DISC1: variants seen among roughly 807,000 people sequenced by gnomAD.
The protein encoded by DISC1 is disrupted in schizophrenia 1 protein.
In DISC1, 57 loss-of-function variants were observed where a neutral mutation model predicts 84.5. The observed-to-expected ratio is 0.67, with a 90% CI of 0.55 to 0.84. The LOEUF (loss-of-function observed/expected upper bound fraction) is 0.84. Ranked by LOEUF, DISC1 falls within the 40% of genes least tolerant of loss-of-function variation. The probability of loss-of-function intolerance (pLI) is 0.00; values close to 1 mark genes in which losing one functional copy is unlikely to be tolerated. For missense variants in DISC1, 1,000 were observed against 1,057.8 expected (o/e 0.95, Z 0.76); for synonymous variants, 411 against 415.2 (o/e 0.99, Z 0.12).
intron 9 of DISC1, among the ~76,000 whole-genome samples, chr1:231,923,683 A>G (rs1255883341): frequency 6.6e-6 from 1 of 152,212 alleles, no homozygotes; most frequent in Non-Finnish European, 1.5e-5. Context: ...CTTATTCCCA[A>G]GAACACGTCT....
At chr1:231,818,773 C>A (rs1200836179) in intron 9 of DISC1, 3 of 1,327,494 alleles carry the variant, frequency 2.3e-6, no homozygotes, top group Non-Finnish European at 2.9e-6. Flanking sequence ...TTGCTAATAG[C>A]CTTGTTATTA....
intron 11 of DISC1, among the ~76,000 whole-genome samples, chr1:232,025,762 A>C (rs1351033815): frequency 6.6e-6 from 1 of 151,984 alleles, no homozygotes; most frequent in African/African-American, 2.4e-5. Flanking sequence ...ACGCCCGGCT[A>C]ATTTTTTGTA....
At chr1:231,852,695 G>A (rs1015782846) in intron 9 of DISC1, among the ~76,000 whole-genome samples, 4 of 152,172 alleles carry the variant, frequency 2.6e-5, no homozygotes, top group African/African-American at 9.7e-5. Context: ...GCCTAAACTG[G>A]CATTGTTATC....
At chr1:231,946,037 G>A (rs947960793) in intron 9 of DISC1, among the ~76,000 whole-genome samples, 3 of 152,210 alleles carry the variant, frequency 2.0e-5, no homozygotes, top group Non-Finnish European at 4.4e-5. Context: ...GAGGTACAAA[G>A]AGGAGCTGGT....
rs577007207 is a variant in DISC1 at position 231,973,999 on chromosome 1, C to A, written c.2042+15111C>A. On this transcript the variant is annotated intron_variant, in intron 10 of 12. Transcript: ENST00000439617. ...GGCTGTTTTTGTGGTTCTGAGTTGACGGGGATTTTTTTTTTTCTTAAAGAG... is the reference window on the plus strand; with the variant it reads ...GGCTGTTTTTGTGGTTCTGAGTTGAAGGGGATTTTTTTTTTTCTTAAAGAG... 5.3e-5 allele frequency among the ~76,000 whole-genome samples: 8 copies of A among 151,896 alleles called. No individual in the cohort carries two copies. In the East Asian group the frequency reaches 1.5e-3, roughly 29 times the overall value.
intron 2 of DISC1, among the ~76,000 whole-genome samples, chr1:231,700,754 T>A (rs1164208577): frequency 1.3e-5 from 2 of 152,180 alleles, no homozygotes; most frequent in African/African-American, 4.8e-5. Flanking sequence ...AGGCACTCAG[T>A]AAATATTTGT....
At chr1:231,868,715 T>G in intron 9 of DISC1, among the ~76,000 whole-genome samples, 1 of 113,526 alleles carries the variant, frequency 8.8e-6, no homozygotes, top group Non-Finnish European at 1.7e-5. Flanking sequence ...TATATATATA[T>G]ATATATATAT....
At position 231,694,513 on chromosome 1, in the gene DISC1, T is replaced by A; in HGVS notation, c.755T>A (p.Leu252Ter). The A allele has an allele frequency of 6.2e-7, 1 of 1,614,252 alleles. No homozygotes were observed. The highest frequency in any genetic ancestry group is 1.7e-5 in the Admixed American group (1 of 60,032). ...GAGATGGGAGCCAAAGCTGCCAGCT[T>A]GGACGGGCCTCACGAGGACCCGCGA... ...PQEMGAKAAS[L>*]DGPHEDPRCL... The change falls in exon 2 of 13, where the codon TTG (leucine) becomes TAG (stop). Residue 252 changes from leucine to a stop codon, truncating the protein, a stop_gained. Coordinates refer to ENST00000439617, the MANE Select transcript of DISC1 (RefSeq NM_018662.3). LOFTEE classifies it high-confidence loss of function.
chr1:231,999,653 G>T (rs1666399929), intron 10 of DISC1, among the ~76,000 whole-genome samples: 1 of 152,174 alleles, frequency 6.6e-6, no homozygotes, highest in African/African-American at 2.4e-5. Flanking sequence ...TACCCAGCCA[G>T]GGAAGTCTTC....
chr1:231,776,895 G>A (rs1319200834), intron 6 of DISC1, among the ~76,000 whole-genome samples: 1 of 152,166 alleles, frequency 6.6e-6, no homozygotes, highest in Non-Finnish European at 1.5e-5. Context: ...CGTGGAAGCA[G>A]CTGTGTGGGA....
chr1:231,972,077 C>T (rs12126582), intron 10 of DISC1, among the ~76,000 whole-genome samples: 2 of 151,970 alleles, frequency 1.3e-5, no homozygotes, highest in Non-Finnish European at 2.9e-5. Context: ...GCGGTAATTA[C>T]GCTGCCCGGT....
At chr1:231,969,603 T>C (rs1015648770) in intron 10 of DISC1, among the ~76,000 whole-genome samples, 45 of 151,752 alleles carry the variant, frequency 3.0e-4, no homozygotes, top group South Asian at 1.5e-3. Context: ...TCTTTCTTTT[T>C]TTTTTTTTTA....
Position 231,694,471 on chromosome 1 carries a change from A to G in DISC1, c.713A>G (p.His238Arg). ...GCPPSREAESHCQSPQEMGAK... is the reference protein window; with the variant it reads ...GCPPSREAESRCQSPQEMGAK... The stretch of plus-strand genomic sequence containing the variant: ...CCACCATCCAGAGAGGCTGAGTCCC[A>G]TTGCCAGAGCCCCCAGGAGATGGGA... The change falls in exon 2 of 13, where the codon CAT (histidine) becomes CGT (arginine). Residue 238 changes from histidine (H) to arginine (R), a missense_variant. Physicochemically the swap from His to Arg is conservative, Grantham distance 29 (BLOSUM62 0). Transcript: ENST00000439617. 1 of 1,614,262 alleles carries G rather than the reference A, an allele frequency of 6.2e-7. No homozygotes were observed. Among genetic ancestry groups the G allele is most frequent in the Non-Finnish European group, 8.5e-7 (1 of 1,180,052 alleles).
At chr1:231,782,906 T>C (rs1244180518) in intron 6 of DISC1, among the ~76,000 whole-genome samples, 1 of 152,162 alleles carries the variant, frequency 6.6e-6, no homozygotes, top group African/African-American at 2.4e-5. Flanking sequence ...CGTGTCACTC[T>C]ACTCCAGCCT....
intron 1 of DISC1, among the ~76,000 whole-genome samples, chr1:231,666,395 G>A (rs1040560573): frequency 6.6e-6 from 1 of 151,604 alleles, no homozygotes; most frequent in Non-Finnish European, 1.5e-5. Flanking sequence ...GAGACAGATG[G>A]AATTCTGAGA....
chr1:231,844,115 G>A (rs200137297), intron 9 of DISC1, among the ~76,000 whole-genome samples: 4 of 152,160 alleles, frequency 2.6e-5, no homozygotes, highest in Non-Finnish European at 4.4e-5. Flanking sequence ...TGAGGAGCAC[G>A]GATTGTTTTT....
intron 9 of DISC1, among the ~76,000 whole-genome samples, chr1:231,951,660 G>A (rs974496702): frequency 1.3e-5 from 2 of 152,102 alleles, no homozygotes; most frequent in Non-Finnish European, 2.9e-5. Context: ...GTCATCTATT[G>A]ATGTGACTCT....
intron 10 of DISC1, among the ~76,000 whole-genome samples, chr1:232,004,758 G>C (rs1473856939): frequency 6.6e-6 from 1 of 152,146 alleles, no homozygotes. Flanking sequence ...ACTGAGGACT[G>C]TTGTTTCTAG....
chr1:231,802,977 C>T (rs887513654), intron 8 of DISC1, among the ~76,000 whole-genome samples: 1 of 152,146 alleles, frequency 6.6e-6, no homozygotes, highest in Non-Finnish European at 1.5e-5. Flanking sequence ...ATCCCATATC[C>T]AGATACCAAA....
Sources: gnomAD v4.1 joint callset for allele counts (sites outside exome capture counted in the v4.1 genomes callset) on GRCh38, gnomAD v4.1.1 for gene constraint, MANE v1.5 for transcripts, NCBI Gene and HGNC (gene_info 2026-07-23, HGNC 2026-07-21) for gene names.